ZDHHC20: variants seen among roughly 807,000 people sequenced by gnomAD.
ZDHHC20 encodes zDHHC palmitoyltransferase 20, also known as palmitoyltransferase ZDHHC20.
A neutral mutation model predicts 57.8 loss-of-function variants in ZDHHC20; 43 were observed. The ratio of observed to expected loss-of-function variants is 0.74; its 90% CI spans 0.58 to 0.96. The LOEUF is 0.96. ZDHHC20 is among the 40% of genes least tolerant of loss of function. ZDHHC20 has a pLI of 0.00. For missense variants in ZDHHC20, 391 were observed against 441.1 expected (o/e 0.89, Z 1.02); for synonymous variants, 157 against 153.0 (o/e 1.03, Z -0.19).
At chr13:21,395,749 C>T (rs916144023) in intron 7 of ZDHHC20, among the ~76,000 whole-genome samples, 5 of 151,992 alleles carry the variant, frequency 3.3e-5, no homozygotes. Flanking sequence ...ATCCGCTCGC[C>T]TCAGCCTCCC....
Position 21,459,006 on chromosome 13 carries a change from C to T in ZDHHC20, c.118+48G>A, listed in dbSNP as rs547953586. ...TGGGGCGCAGAGGCCTATCTCGCGC[C>T]CTAGCCGCGGCCCGCGCCCCGCCGC... On this transcript the variant is annotated intron_variant, in intron 1 of 12. Coordinates refer to ENST00000400590, the MANE Select transcript of ZDHHC20 (RefSeq NM_001330059.2). 18 of 1,493,038 alleles carry T rather than the reference C, an allele frequency of 1.2e-5. No individual in the cohort carries two copies. The Admixed American group carries it at 1.5e-4, about 12-fold the overall frequency. The allele number at this position is 1,493,038 out of a possible 1,614,324, so 92.5% of individuals were successfully genotyped here.
At chr13:21,441,693 C>A (rs9509710) in intron 1 of ZDHHC20, among the ~76,000 whole-genome samples, 12,769 of 151,580 alleles carry the variant, frequency 0.084, 602 homozygotes, top group Non-Finnish European at 0.099. Context: ...TGAGCCACCA[C>A]GCCCAGCCCT....
At chr13:21,386,375 G>A (rs1217751089) in intron 9 of ZDHHC20, among the ~76,000 whole-genome samples, 1 of 151,900 alleles carries the variant, frequency 6.6e-6, no homozygotes, top group East Asian at 1.9e-4. Flanking sequence ...CTAATACCAA[G>A]CACAAGAAAC....
chr13:21,408,297 G>A (rs1234918545), intron 4 of ZDHHC20, among the ~76,000 whole-genome samples: 1 of 152,102 alleles, frequency 6.6e-6, no homozygotes, highest in Non-Finnish European at 1.5e-5. Context: ...TTATTTCCTT[G>A]AGCAGTGGTT....
chr13:21,391,661 G>A (rs1034089062), intron 8 of ZDHHC20, 61 bp downstream of exon 8: 1 of 1,522,330 alleles, frequency 6.6e-7, no homozygotes, highest in Non-Finnish European at 8.9e-7. Flanking sequence ...TTCTTCTCTA[G>A]ATTTCATATT....
At chr13:21,451,955 T>C (rs1478961121) in intron 1 of ZDHHC20, among the ~76,000 whole-genome samples, 1 of 152,002 alleles carries the variant, frequency 6.6e-6, no homozygotes, top group Admixed American at 6.5e-5. Context: ...GATCACACTA[T>C]TGCACTCCAC....
At chr13:21,430,090 C>G (rs1881737862) in intron 1 of ZDHHC20, among the ~76,000 whole-genome samples, 2 of 152,114 alleles carry the variant, frequency 1.3e-5, no homozygotes, top group Non-Finnish European at 1.5e-5. Flanking sequence ...TATCTATTCT[C>G]TTTTCTCATT....
chr13:21,412,106 G>T (rs1434498430), intron 4 of ZDHHC20, among the ~76,000 whole-genome samples: 3 of 152,206 alleles, frequency 2.0e-5, no homozygotes, highest in Non-Finnish European at 4.4e-5. Flanking sequence ...TCCCACCTCT[G>T]AAACAACAGG....
chr13:21,403,647 T>C (rs1878028516), intron 4 of ZDHHC20, among the ~76,000 whole-genome samples: 1 of 152,180 alleles, frequency 6.6e-6, no homozygotes, highest in South Asian at 2.1e-4. Flanking sequence ...AGCAAGTTAG[T>C]GAGTCATGTC....
intron 4 of ZDHHC20, among the ~76,000 whole-genome samples, chr13:21,410,119 T>C (rs1454280776): frequency 2.6e-5 from 4 of 152,236 alleles, no homozygotes; most frequent in African/African-American, 9.6e-5. Flanking sequence ...TGTTTGTTAG[T>C]CTTCCTTCTA....
chr13:21,401,512 C>T (rs1263810025), intron 6 of ZDHHC20, 141 bp downstream of exon 6: 5 of 667,662 alleles, frequency 7.5e-6, no homozygotes, highest in Non-Finnish European at 1.2e-5. Context: ...TAACTGTTTA[C>T]ATACAAATCT....
intron 7 of ZDHHC20, among the ~76,000 whole-genome samples, chr13:21,399,221 A>G (rs1367030187): frequency 6.6e-6 from 1 of 151,926 alleles, no homozygotes; most frequent in African/African-American, 2.4e-5. Context: ...TGGAGCACCC[A>G]TAATCCCAGC....
In ZDHHC20 at chr13:21,401,663, G is replaced by A; in HGVS notation, c.463C>T (p.His155Tyr). ...CDSCILKMDH[H>Y]CPWVNNCVGF... ...TTTTTTTATACATACCAAGGACAGT[G>A]ATGATCCATCTTAAGAATACATCTA... Residue 155 changes from histidine to tyrosine, a missense_variant, in exon 6 of 13, where the codon CAC (histidine) becomes TAC (tyrosine). This residue lies in a region of ZDHHC20 where 9 missense variants were observed against 32.2 expected (regional missense o/e 0.28). Coordinates refer to ENST00000400590, the MANE Select transcript of ZDHHC20 (RefSeq NM_001330059.2). 3 of 1,537,208 alleles carry A rather than the reference G, an allele frequency of 2.0e-6. No homozygotes were observed. The highest frequency in any genetic ancestry group is 2.6e-6 in the Non-Finnish European group (3 of 1,143,866).
At chr13:21,447,671 G>C (rs889601053) in intron 1 of ZDHHC20, among the ~76,000 whole-genome samples, 2 of 130,352 alleles carry the variant, frequency 1.5e-5, no homozygotes, top group Admixed American at 1.6e-4. Context: ...GCCTCCCAGA[G>C]TGCCGAGATT....
chr13:21,436,500 T>C (rs1169397670), intron 1 of ZDHHC20, among the ~76,000 whole-genome samples: 1 of 152,228 alleles, frequency 6.6e-6, no homozygotes, highest in African/African-American at 2.4e-5. Context: ...TTCATTATCA[T>C]AATATCTGCT....
chr13:21,400,295 A>G, intron 7 of ZDHHC20, 78 bp downstream of exon 7: 1 of 1,357,698 alleles, frequency 7.4e-7, no homozygotes, highest in Non-Finnish European at 9.9e-7. Context: ...TACTTGTCAT[A>G]AAAAATAAAG....
At chr13:21,455,425 GAGA>G (rs550716697) in intron 1 of ZDHHC20, among the ~76,000 whole-genome samples, 14 of 152,230 alleles carry the variant, frequency 9.2e-5, no homozygotes, top group East Asian at 7.7e-4. Context: ...CTTGACCAAA[GAGA>G]AGAAGTTATT....
At chr13:21,420,380 A>C (rs755642135) in intron 3 of ZDHHC20, among the ~76,000 whole-genome samples, 2 of 152,224 alleles carry the variant, frequency 1.3e-5, no homozygotes, top group Non-Finnish European at 2.9e-5. Flanking sequence ...CACAATTGTT[A>C]GTTCCATTTT....
intron 8 of ZDHHC20, chr13:21,390,366 C>T (rs1875456044): frequency 6.6e-6 from 1 of 152,120 alleles, no homozygotes; most frequent in Non-Finnish European, 1.5e-5. Flanking sequence ...GCCACCATTG[C>T]TGTTTAGGGA....
Sources: gnomAD v4.1 joint callset for allele counts (sites outside exome capture counted in the v4.1 genomes callset) on GRCh38, gnomAD v4.1.1 for gene constraint, gnomAD v4.1.1 regional missense constraint, MANE v1.5 for transcripts, NCBI Gene and HGNC (gene_info 2026-07-23, HGNC 2026-07-21) for gene names.